Variants in MALRD1 observed in about 807,000 individuals in gnomAD.
MALRD1 encodes the protein MAM and LDL receptor class A domain containing 1.
Under a neutral mutation model 242.1 loss-of-function variants are expected in MALRD1, and 247 were observed. That is an observed-to-expected ratio of 1.02 (90% CI 0.92 to 1.13). The LOEUF (loss-of-function observed/expected upper bound fraction) is 1.13. MALRD1 is among the 50% of genes most tolerant of loss of function. The pLI, the probability that MALRD1 is intolerant of heterozygous loss-of-function variation, is 0.00. For synonymous variants in MALRD1, 995 were observed against 866.6 expected (o/e 1.15, Z -2.60); for missense variants, 2,989 against 2,533.1 (o/e 1.18, Z -3.86).
intron 19 of MALRD1, among the ~76,000 whole-genome samples, chr10:19,270,374 A>ACC (rs1840172203): frequency 7.4e-6 from 1 of 134,694 alleles, no homozygotes; most frequent in Non-Finnish European, 1.6e-5. Flanking sequence ...ACACACACAC[A>ACC]CACCAGACTG....
intron 36 of MALRD1, among the ~76,000 whole-genome samples, chr10:19,667,589 CT>C (rs1841728554): frequency 6.6e-6 from 1 of 150,720 alleles, no homozygotes; most frequent in Non-Finnish European, 1.5e-5. Context: ...TGGCACCTCC[CT>C]GCCACTCTCT....
chr10:19,581,024 C>CT (rs1837095297), intron 33 of MALRD1, among the ~76,000 whole-genome samples: 2 of 152,030 alleles, frequency 1.3e-5, no homozygotes, highest in African/African-American at 4.8e-5. Flanking sequence ...ATTCTTTTCT[C>CT]TTTCCCTATT....
At chr10:19,108,028 A>G (rs949087772) in intron 5 of MALRD1, among the ~76,000 whole-genome samples, 3 of 152,184 alleles carry the variant, frequency 2.0e-5, no homozygotes, top group Admixed American at 1.3e-4. Flanking sequence ...ATGGATGTTC[A>G]TATTTGTCCC....
intron 31 of MALRD1, among the ~76,000 whole-genome samples, chr10:19,509,672 G>T (rs1833305234): frequency 6.6e-6 from 1 of 152,096 alleles, no homozygotes; most frequent in South Asian, 2.1e-4. Flanking sequence ...TGTTTTTGTT[G>T]TTCAAACCAA....
chr10:19,373,321 T>G (rs188982920), intron 26 of MALRD1, among the ~76,000 whole-genome samples: 1 of 150,800 alleles, frequency 6.6e-6, no homozygotes, highest in East Asian at 1.9e-4. Context: ...GCCAACATGG[T>G]GAAACCCCGT....
chr10:19,049,109 G>T lies in MALRD1; in HGVS notation c.171G>T (p.Gln57His). The change falls in exon 1 of 40, where the codon CAG becomes CAT. Residue 57 changes from glutamine to histidine, a missense_variant. By Grantham distance (24) the Gln-to-His change is conservative. Coordinates refer to ENST00000454679, the MANE Select transcript of MALRD1 (RefSeq NM_001142308.3). ...PPDSICDFTD[Q>H]CGDSSDERHC... Reference sequence around the variant, plus strand: ...ACAGCATTTGTGACTTCACAGATCAGTGTGGGGATAGCAGTGATGAACGGC... The same window carrying T: ...ACAGCATTTGTGACTTCACAGATCATTGTGGGGATAGCAGTGATGAACGGC... 8.1e-7 allele frequency: 1 copy of T among 1,233,914 alleles called. No individual in the cohort carries two copies. Among genetic ancestry groups the T allele is most frequent in the African/African-American group, 1.5e-5 (1 of 64,614 alleles). The allele number at this position is 1,233,914 out of a possible 1,614,324, so 76.4% of individuals were successfully genotyped here. A position where few individuals can be genotyped will look rare whatever the true frequency, so the allele number is the denominator to read the frequency against.
intron 18 of MALRD1, among the ~76,000 whole-genome samples, chr10:19,244,107 T>C (rs542031283): frequency 8.1e-4 from 124 of 152,174 alleles, no homozygotes; most frequent in African/African-American, 2.8e-3. Context: ...GATCCAGTTT[T>C]CTAAGAAAAG....
chr10:19,615,489 C>T (rs1033009545), intron 35 of MALRD1, among the ~76,000 whole-genome samples: 5 of 95,878 alleles, frequency 5.2e-5, no homozygotes, highest in Non-Finnish European at 9.3e-5. Flanking sequence ...CTATTCCAAG[C>T]CTGAATGACA....
At chr10:19,112,126 T>C (rs1192027668) in intron 5 of MALRD1, among the ~76,000 whole-genome samples, 1 of 151,018 alleles carries the variant, frequency 6.6e-6, no homozygotes, top group East Asian at 1.9e-4. Context: ...AAATGGAGCC[T>C]GAATTTTAAA....
chr10:19,310,629 G>T (rs1029542040), intron 21 of MALRD1, among the ~76,000 whole-genome samples: 4 of 151,480 alleles, frequency 2.6e-5, no homozygotes, highest in Admixed American at 1.3e-4. Flanking sequence ...TTGGTCTTAA[G>T]ATCTTTCATT....
At chr10:19,454,157 T>A (rs1835491975) in intron 29 of MALRD1, among the ~76,000 whole-genome samples, 1 of 151,960 alleles carries the variant, frequency 6.6e-6, no homozygotes, top group Non-Finnish European at 1.5e-5. Flanking sequence ...TCAGAGAACC[T>A]AATTAGCAAA....
intron 28 of MALRD1, among the ~76,000 whole-genome samples, chr10:19,447,111 G>T (rs1835039696): frequency 6.7e-6 from 1 of 150,132 alleles, no homozygotes; most frequent in Non-Finnish European, 1.5e-5. Flanking sequence ...CAGAGCATGA[G>T]CAAGACTGAG....
chr10:19,441,217 T>A (rs1834627887), intron 28 of MALRD1, among the ~76,000 whole-genome samples: 1 of 152,206 alleles, frequency 6.6e-6, no homozygotes, highest in Admixed American at 6.5e-5. Flanking sequence ...TAAATTTAAG[T>A]TCTTTGTAGA....
intron 26 of MALRD1, among the ~76,000 whole-genome samples, chr10:19,367,708 T>C (rs758998931): frequency 2.6e-4 from 39 of 152,160 alleles, no homozygotes; most frequent in Non-Finnish European, 4.0e-4. Flanking sequence ...GTGGCTGCAC[T>C]AGTTTTCATT....
Position 19,205,006 on chromosome 10 carries a change from A to G in MALRD1, c.2319A>G (p.Gln773=). The G allele has an allele frequency of 1.9e-6, 3 of 1,550,896 alleles. No individual in the cohort carries two copies. The highest frequency in any genetic ancestry group is 2.6e-6 in the Non-Finnish European group (3 of 1,147,038). Residue 773 remains glutamine, a synonymous_variant, in exon 17 of 40, where the codon CAA becomes CAG. Coordinates refer to ENST00000454679, the MANE Select transcript of MALRD1 (RefSeq NM_001142308.3). ...IWRVLYNQGK[Q]WLEATIQLGR... ...GAGTATTATACAATCAGGGCAAACA[A>G]TGGTTGGAGGCAACCATTCAGCTAG...
intron 33 of MALRD1, among the ~76,000 whole-genome samples, chr10:19,582,174 C>G (rs1426435991): frequency 2.0e-5 from 3 of 151,874 alleles, no homozygotes; most frequent in African/African-American, 2.4e-5. Flanking sequence ...CTGTAGGTTG[C>G]CTGTTCACTC....
chr10:19,084,786 G>C (rs1835611815), intron 2 of MALRD1, among the ~76,000 whole-genome samples: 1 of 151,804 alleles, frequency 6.6e-6, no homozygotes, highest in Non-Finnish European at 1.5e-5. Flanking sequence ...AACTTAACCA[G>C]TAACTGAGAA....
chr10:19,351,349 A>G (rs559087922), intron 25 of MALRD1, among the ~76,000 whole-genome samples: 18 of 152,250 alleles, frequency 1.2e-4, no homozygotes, highest in African/African-American at 3.6e-4. Context: ...AATTTCATCT[A>G]TGCAACATTG....
At chr10:19,316,246 C>G (rs145596763) in intron 21 of MALRD1, among the ~76,000 whole-genome samples, 3 of 151,726 alleles carry the variant, frequency 2.0e-5, no homozygotes, top group Non-Finnish European at 4.4e-5. Flanking sequence ...TAGTTAAAGA[C>G]TTCACCTTGA....
Sources: gnomAD v4.1 joint callset for allele counts (sites outside exome capture counted in the v4.1 genomes callset) on GRCh38, gnomAD v4.1.1 for gene constraint, MANE v1.5 for transcripts, NCBI Gene and HGNC (gene_info 2026-07-23, HGNC 2026-07-21) for gene names.